DOP1B: variants seen among roughly 807,000 people sequenced by gnomAD.
The protein encoded by DOP1B is DOP1 leucine zipper like protein B, also known as protein DOP1B.
DOP1B carries 174 observed loss-of-function variants against 233.5 expected under a neutral mutation model. The ratio of observed to expected loss-of-function variants is 0.75; its 90% CI spans 0.66 to 0.85. The LOEUF is 0.85. Ranked by LOEUF, DOP1B falls within the 40% of genes least tolerant of loss-of-function variation. The pLI, the probability that DOP1B is intolerant of heterozygous loss-of-function variation, is 0.00. For missense variants in DOP1B, 2,652 were observed against 2,846.6 expected, an observed-to-expected ratio of 0.93 and a Z score of 1.56; for synonymous variants, 1,190 against 1,185.6, an observed-to-expected ratio of 1.00 and a Z score of -0.08.
At chr21:36,225,449 T>G in intron 11 of DOP1B, 116 bp from the exon 12 acceptor site, 1 of 1,168,026 alleles carries the variant, frequency 8.6e-7, no homozygotes, top group South Asian at 1.4e-5. Flanking sequence ...CAGGCTGGTC[T>G]CAGACTCCTG....
intron 27 of DOP1B, among the ~76,000 whole-genome samples, chr21:36,274,570 T>TG (rs2067328415): frequency 6.6e-6 from 1 of 152,026 alleles, no homozygotes; most frequent in African/African-American, 2.4e-5. Context: ...CCTTGGAGTC[T>TG]GGGAGGAGAC....
intron 11 of DOP1B, among the ~76,000 whole-genome samples, chr21:36,224,527 T>A (rs1229177047): frequency 6.9e-6 from 1 of 143,934 alleles, no homozygotes; most frequent in African/African-American, 2.5e-5. Context: ...TCTACCCAGA[T>A]AGAGCTGACT....
chr21:36,258,562 A>T (rs1387152019), intron 23 of DOP1B, among the ~76,000 whole-genome samples: 1 of 152,064 alleles, frequency 6.6e-6, no homozygotes, highest in Non-Finnish European at 1.5e-5. Context: ...CATTTTTTTC[A>T]GCCTCACATA....
intron 36 of DOP1B, 29 bp from the exon 37 acceptor site, chr21:36,293,291 T>C: frequency 1.9e-6 from 3 of 1,606,176 alleles, no homozygotes; most frequent in African/African-American, 1.3e-5. Context: ...TAAAACCATA[T>C]CATTGTTATG....
At chr21:36,208,941 G>C in intron 5 of DOP1B, 37 bp downstream of exon 5, 1 of 1,471,418 alleles carries the variant, frequency 6.8e-7, no homozygotes, top group Admixed American at 2.5e-5. Context: ...TGGGGAGGAG[G>C]CGACATGTGG....
At chr21:36,259,402 C>G (rs112828776) in intron 23 of DOP1B, among the ~76,000 whole-genome samples, 13 of 151,960 alleles carry the variant, frequency 8.6e-5, no homozygotes, top group Admixed American at 8.5e-4. Context: ...TCCTGAGTAG[C>G]TGGGATTACA....
chr21:36,237,428 G>A lies in DOP1B; in HGVS notation c.2775+14G>A. On this transcript the variant is annotated intron_variant, in intron 16 of 36. Transcript: ENST00000691173. ...GACCCTGACAAGGTGAGCCTTTCTG[G>A]CCGCCACCTCCATCCTGCAGCACCC... The A allele has an allele frequency of 6.2e-7, 1 of 1,613,240 alleles. No homozygotes were observed. Among genetic ancestry groups the A allele is most frequent in the Non-Finnish European group, 8.5e-7 (1 of 1,179,920 alleles).
At chr21:36,285,290 C>T (rs1444022577) in intron 32 of DOP1B, among the ~76,000 whole-genome samples, 1 of 152,026 alleles carries the variant, frequency 6.6e-6, no homozygotes, top group Non-Finnish European at 1.5e-5. Context: ...GAACTCCTGA[C>T]CTCAAGTGAT....
intron 13 of DOP1B, among the ~76,000 whole-genome samples, 184 bp from the exon 14 acceptor site, chr21:36,230,266 C>T (rs1226191716): frequency 6.6e-6 from 1 of 152,202 alleles, no homozygotes; most frequent in African/African-American, 2.4e-5. Flanking sequence ...CTTTGCTACC[C>T]ACCGCTCTCC....
intron 22 of DOP1B, among the ~76,000 whole-genome samples, chr21:36,253,055 G>A (rs150815274): frequency 1.3e-5 from 2 of 152,170 alleles, no homozygotes; most frequent in Non-Finnish European, 2.9e-5. Context: ...CCTCCTGAGC[G>A]CCTGTCGGCT....
In DOP1B at chr21:36,293,660, G is replaced by A; in HGVS notation, c.*89G>A. 1 of 1,419,168 alleles carries A rather than the reference G, an allele frequency of 7.0e-7. No homozygotes were observed. The highest frequency in any genetic ancestry group is 1.3e-5 in the South Asian group (1 of 76,798). 87.9% of individuals were successfully genotyped at this position (1,419,168 alleles called of 1,614,324 possible). A position where few individuals can be genotyped will look rare whatever the true frequency, so the allele number is the denominator to read the frequency against. On this transcript the variant is annotated 3_prime_UTR_variant, in exon 37 of 37. Transcript: ENST00000691173. ...TAAAGAAGAAAGAAGGCAGGATAGT[G>A]CTTTTGAACAAGCCTATTTCCATTT...
intron 18 of DOP1B, among the ~76,000 whole-genome samples, chr21:36,241,503 C>CT (rs1165636640): frequency 0.046 from 3,553 of 76,464 alleles, 483 homozygotes; most frequent in African/African-American, 0.12. Flanking sequence ...TTATCTTAAT[C>CT]TTTTTTTTTT....
chr21:36,211,560 CTT>C lies in DOP1B; in HGVS notation c.691_692del (p.Leu231AlafsTer15). On this transcript the variant is annotated frameshift_variant, in exon 6 of 37. Coordinates refer to ENST00000691173, the MANE Select transcript of DOP1B (RefSeq NM_001320714.2). LOFTEE classifies it high-confidence loss of function. ...CCGTTTGATCGTTTACAGGTGAAGT[CTT>C]TGCGTGCCTCCCTGTTGGACTCAAA... 1 of 1,614,120 alleles carries C rather than the reference CTT, an allele frequency of 6.2e-7. No individual in the cohort carries two copies. The highest frequency in any genetic ancestry group is 8.5e-7 in the Non-Finnish European group (1 of 1,180,000).
At chr21:36,183,616 G>A (rs2066127822) in intron 2 of DOP1B, among the ~76,000 whole-genome samples, 1 of 152,230 alleles carries the variant, frequency 6.6e-6, no homozygotes, top group African/African-American at 2.4e-5. Flanking sequence ...CAGTTGCAGA[G>A]GACCTTCTGT....
At chr21:36,231,696 G>C (rs977018410) in intron 14 of DOP1B, among the ~76,000 whole-genome samples, 1 of 70,702 alleles carries the variant, frequency 1.4e-5, no homozygotes, top group Non-Finnish European at 2.8e-5. Flanking sequence ...TTTTTTTTTT[G>C]AGACAGGGTC....
intron 24 of DOP1B, 26 bp downstream of exon 24, chr21:36,260,758 A>C (rs2067160569): frequency 1.2e-6 from 2 of 1,613,132 alleles, no homozygotes; most frequent in South Asian, 1.1e-5. Context: ...GTCCTCCAAA[A>C]ACTTCCTTAA....
chr21:36,199,261 C>T lies in DOP1B; in HGVS notation c.320+10C>T. 1 of 1,608,968 alleles carries T rather than the reference C, an allele frequency of 6.2e-7. No homozygotes were observed. The highest frequency in any genetic ancestry group is 1.7e-5 in the Admixed American group (1 of 58,908). ...ACTTGTTTCTGTACAGGTGCGATTG[C>T]TTCTCTGCTGTGTTCCTTTTTATTA... is the stretch of plus-strand genomic sequence containing the variant. On this transcript the variant is annotated intron_variant, in intron 3 of 36. Coordinates refer to ENST00000691173, the MANE Select transcript of DOP1B (RefSeq NM_001320714.2).
Position 36,292,148 on chromosome 21 carries a change from C to G in DOP1B, c.6560C>G (p.Ala2187Gly), listed in dbSNP as rs542346865. ...FIPEVDTEGP[A>G]FLSDVEENHQ... ...CCAGAAGTGGACACAGAGGGCCCTG[C>G]CTTCCTGTCGGATGTAGAGGAGAAT... Residue 2187 changes from alanine (A) to glycine (G), a missense_variant, in exon 36 of 37, where the codon GCC (alanine) becomes GGC (glycine). Around this residue, in one of 3 missense-constraint regions of DOP1B, gnomAD observed 2,617 missense variants for 2,794.3 expected, o/e 0.94. Transcript: ENST00000691173. The G allele has an allele frequency of 4.3e-6, 7 of 1,611,904 alleles. No homozygotes were observed. The highest frequency in any genetic ancestry group is 5.9e-6 in the Non-Finnish European group (7 of 1,179,214).
chr21:36,183,446 C>T (rs952163368), intron 2 of DOP1B, among the ~76,000 whole-genome samples: 2 of 152,226 alleles, frequency 1.3e-5, no homozygotes, highest in African/African-American at 4.8e-5. Flanking sequence ...GCTCACAACC[C>T]TGGACCATCC....
Sources: gnomAD v4.1 joint callset for allele counts (sites outside exome capture counted in the v4.1 genomes callset) on GRCh38, gnomAD v4.1.1 for gene constraint, gnomAD v4.1.1 regional missense constraint, MANE v1.5 for transcripts, NCBI Gene and HGNC (gene_info 2026-07-23, HGNC 2026-07-21) for gene names.